The following TTC29 variants were observed in gnomAD, a reference collection of about 807,000 sequenced individuals.
The protein encoded by TTC29 is tetratricopeptide repeat domain 29.
TTC29 carries 49 observed loss-of-function variants against 58.1 expected under a neutral mutation model. That is an observed-to-expected ratio of 0.84 (90% CI 0.67 to 1.07). TTC29 has a LOEUF of 1.07. TTC29 is among the 50% of genes least tolerant of loss of function. The pLI, the probability that TTC29 is intolerant of heterozygous loss-of-function variation, is 0.00. For synonymous variants in TTC29, 209 were observed against 196.8 expected (o/e 1.06, Z -0.52); for missense variants, 582 against 555.6 (o/e 1.05, Z -0.48).
chr4:146,835,395 G>C (rs567284617), intron 8 of TTC29, among the ~76,000 whole-genome samples: 1 of 152,234 alleles, frequency 6.6e-6, no homozygotes, highest in Admixed American at 6.5e-5. Context: ...ATTTATAAGA[G>C]ATCTTTTGGA....
At chr4:146,823,668 T>A (rs982007733) in intron 9 of TTC29, among the ~76,000 whole-genome samples, 1 of 152,226 alleles carries the variant, frequency 6.6e-6, no homozygotes, top group Non-Finnish European at 1.5e-5. Flanking sequence ...GGGAATAGCA[T>A]TGAATCTATA....
intron 4 of TTC29, among the ~76,000 whole-genome samples, chr4:146,921,801 A>T (rs1410562756): frequency 6.6e-6 from 1 of 151,198 alleles, no homozygotes; most frequent in East Asian, 1.9e-4. Flanking sequence ...TAATATTTAG[A>T]TTCTGAGAGA....
Position 146,740,986 on chromosome 4 carries a change from C to T in TTC29, c.1331-33435G>A, listed in dbSNP as rs186076014. ...ACCCTCCTAAGTCAGCCTCCCTAGG[C>T]GCTGGAATAACAGGCACGAGCCACC... On this transcript the variant is annotated intron_variant, in intron 11 of 12. Coordinates refer to ENST00000325106, the MANE Select transcript of TTC29 (RefSeq NM_031956.4). 4.3e-3 allele frequency among the ~76,000 whole-genome samples: 651 copies of T among 152,222 alleles called. 1 individual carries two copies. The highest frequency in any genetic ancestry group is 0.014 in the African/African-American group (578 of 41,544).
At chr4:146,806,369 T>G (rs1050670065) in intron 10 of TTC29, among the ~76,000 whole-genome samples, 1 of 152,204 alleles carries the variant, frequency 6.6e-6, no homozygotes, top group African/African-American at 2.4e-5. Context: ...CAGGATCAAA[T>G]TCACACATGA....
intron 4 of TTC29, among the ~76,000 whole-genome samples, chr4:146,913,285 A>G (rs995924232): frequency 1.3e-5 from 2 of 152,180 alleles, no homozygotes; most frequent in Non-Finnish European, 2.9e-5. Flanking sequence ...AATGCTAGAT[A>G]GGGCAGTTAG....
chr4:146,866,699 T>C (rs1420556457), intron 8 of TTC29, among the ~76,000 whole-genome samples: 1 of 152,078 alleles, frequency 6.6e-6, no homozygotes, highest in African/African-American at 2.4e-5. Flanking sequence ...TGCTATCCAA[T>C]TGTAAGGGGG....
intron 4 of TTC29, among the ~76,000 whole-genome samples, chr4:146,924,430 C>A (rs1417285024): frequency 2.6e-5 from 4 of 151,724 alleles, no homozygotes; most frequent in Non-Finnish European, 5.9e-5. Flanking sequence ...GATTTAATGT[C>A]TTTAATAAAT....
intron 4 of TTC29, among the ~76,000 whole-genome samples, chr4:146,914,266 A>C (rs1489932318): frequency 6.6e-6 from 1 of 152,214 alleles, no homozygotes; most frequent in South Asian, 2.1e-4. Context: ...ACCATAGCCC[A>C]AGTTCACTTG....
intron 5 of TTC29, among the ~76,000 whole-genome samples, chr4:146,904,545 A>T (rs1733395411): frequency 6.6e-6 from 1 of 152,178 alleles, no homozygotes; most frequent in Non-Finnish European, 1.5e-5. Flanking sequence ...TCTGTGTGTT[A>T]ATAAGTTGTG....
intron 4 of TTC29, among the ~76,000 whole-genome samples, chr4:146,912,494 G>A (rs1017130570): frequency 1.2e-4 from 18 of 152,116 alleles, no homozygotes; most frequent in East Asian, 1.2e-3. Context: ...TGCTGTTTCC[G>A]TGTAGGAAAA....
chr4:146,774,443 A>C (rs963245566), intron 11 of TTC29, among the ~76,000 whole-genome samples: 4 of 152,114 alleles, frequency 2.6e-5, no homozygotes, highest in Admixed American at 2.6e-4. Context: ...GTTATTTTCA[A>C]ATAATGTCTT....
intron 3 of TTC29, 143 bp downstream of exon 3, chr4:146,939,661 A>G (rs1736177297): frequency 1.4e-6 from 1 of 714,866 alleles, no homozygotes; most frequent in African/African-American, 1.9e-5. Context: ...TCCTTTTGAA[A>G]CAGCAGATTT....
chr4:146,850,744 C>A (rs1407346106), intron 8 of TTC29, among the ~76,000 whole-genome samples: 3 of 152,086 alleles, frequency 2.0e-5, no homozygotes, highest in African/African-American at 7.2e-5. Context: ...GGCTTTGAAA[C>A]CATGTGACAA....
Position 146,783,079 on chromosome 4 carries a change from ATTTG to A in TTC29, c.1330+20374_1330+20377del, listed in dbSNP as rs150463069. Among the ~76,000 whole-genome samples, 139 of 151,890 alleles carry A rather than the reference ATTTG, an allele frequency of 9.2e-4. No individual in the cohort carries two copies. In the East Asian group the frequency reaches 0.017, roughly 19 times the overall value. Reference sequence around the variant, plus strand: ...AATCTCCAAATTTTCTTTTTAACTTATTTGTTTATTTATTTACTTATTTAAATTC... The same window carrying A: ...AATCTCCAAATTTTCTTTTTAACTTATTTATTTATTTACTTATTTAAATTC... On this transcript the variant is annotated intron_variant, in intron 11 of 12. Coordinates refer to ENST00000325106, the MANE Select transcript of TTC29 (RefSeq NM_031956.4).
intron 11 of TTC29, among the ~76,000 whole-genome samples, chr4:146,711,736 T>C (rs898118309): frequency 1.3e-5 from 2 of 152,096 alleles, no homozygotes; most frequent in African/African-American, 4.8e-5. Flanking sequence ...GTAGAAACAG[T>C]ACTTCTCTCT....
chr4:146,817,664 G>A (rs983210200), intron 10 of TTC29, among the ~76,000 whole-genome samples: 4 of 152,130 alleles, frequency 2.6e-5, no homozygotes, highest in East Asian at 3.9e-4. Context: ...GAGGCATCAT[G>A]CTACCTGACT....
intron 11 of TTC29, among the ~76,000 whole-genome samples, chr4:146,748,186 G>A (rs1745691192): frequency 6.6e-6 from 1 of 152,202 alleles, no homozygotes; most frequent in African/African-American, 2.4e-5. Flanking sequence ...TGCCTCCAGA[G>A]CATCCCTTCT....
At chr4:146,928,985 T>TA (rs1250822467) in intron 4 of TTC29, among the ~76,000 whole-genome samples, 8 of 152,152 alleles carry the variant, frequency 5.3e-5, no homozygotes, top group Admixed American at 5.2e-4. Flanking sequence ...GGGAATTTTT[T>TA]AAAAATCCAA....
intron 9 of TTC29, among the ~76,000 whole-genome samples, chr4:146,824,076 C>T (rs966387777): frequency 1.3e-5 from 2 of 152,054 alleles, no homozygotes; most frequent in African/African-American, 4.8e-5. Context: ...CTCTCTTCCT[C>T]TTTGAATACC....
Sources: allele counts gnomAD v4.1 joint callset (sites outside exome capture counted in the v4.1 genomes callset), GRCh38; gene constraint gnomAD v4.1.1; transcripts MANE v1.5; gene names NCBI Gene and HGNC (gene_info 2026-07-23, HGNC 2026-07-21).